Variants in MAGI2 observed in about 807,000 individuals in gnomAD.
MAGI2 encodes the protein membrane associated guanylate kinase, WW and PDZ domain containing 2.
MAGI2 carries 35 observed loss-of-function variants against 133.3 expected under a neutral mutation model. The ratio of observed to expected loss-of-function variants is 0.26; its 90% confidence interval spans 0.20 to 0.35. The LOEUF is 0.35. Among genes scored for constraint, MAGI2 ranks in the 10% least tolerant of loss-of-function variants. The pLI, the probability that MAGI2 is intolerant of heterozygous loss-of-function variation, is 1.00. For synonymous variants in MAGI2, 729 were observed against 710.6 expected (o/e 1.03, Z -0.41); for missense variants, 1,636 against 1,863.4 (o/e 0.88, Z 2.25).
At chr7:78,780,737 T>C (rs1826329874) in intron 2 of MAGI2, among the ~76,000 whole-genome samples, 1 of 152,146 alleles carries the variant, frequency 6.6e-6, no homozygotes, top group Non-Finnish European at 1.5e-5. Context: ...CAGGTGTTAA[T>C]TGTAGTATTT....
chr7:79,107,665 A>G (rs867187225), intron 1 of MAGI2, among the ~76,000 whole-genome samples: 12 of 152,240 alleles, frequency 7.9e-5, no homozygotes, highest in Non-Finnish European at 1.8e-4. Flanking sequence ...ATTCTTATGC[A>G]TACTCCATTT....
chr7:78,662,744 G>C (rs866961574), intron 2 of MAGI2, among the ~76,000 whole-genome samples: 7 of 152,236 alleles, frequency 4.6e-5, no homozygotes, highest in Middle Eastern at 6.8e-3. Flanking sequence ...ACTGGTGAGG[G>C]TAACTACTGG....
At chr7:79,338,515 A>G (rs747464933) in intron 1 of MAGI2, among the ~76,000 whole-genome samples, 5 of 152,146 alleles carry the variant, frequency 3.3e-5, no homozygotes, top group Non-Finnish European at 7.4e-5. Flanking sequence ...TCTGATCGAA[A>G]TCCAAAGAAC....
chr7:78,106,045 C>T (rs952801402), intron 20 of MAGI2, among the ~76,000 whole-genome samples: 1 of 152,044 alleles, frequency 6.6e-6, no homozygotes, highest in African/African-American at 2.4e-5. Context: ...AATTATCATT[C>T]AAATCTCTGT....
intron 1 of MAGI2, among the ~76,000 whole-genome samples, chr7:79,189,700 T>G (rs550911725): frequency 6.6e-6 from 1 of 151,798 alleles, no homozygotes; most frequent in South Asian, 2.1e-4. Flanking sequence ...TTTTGACAAA[T>G]GTATGACAAT....
intron 1 of MAGI2, among the ~76,000 whole-genome samples, chr7:79,168,306 C>T (rs1344983816): frequency 1.3e-5 from 2 of 151,914 alleles, no homozygotes; most frequent in African/African-American, 2.4e-5. Context: ...GTAATCTTTG[C>T]GACCTTGCCA....
chr7:78,984,072 A>C (rs1003700851), intron 2 of MAGI2, among the ~76,000 whole-genome samples: 1 of 152,030 alleles, frequency 6.6e-6, no homozygotes, highest in African/African-American at 2.4e-5. Flanking sequence ...AATGGACTGC[A>C]TTAGTCCAGA....
chr7:79,198,388 AT>A (rs1399225099), intron 1 of MAGI2, among the ~76,000 whole-genome samples: 2 of 151,724 alleles, frequency 1.3e-5, no homozygotes, highest in Non-Finnish European at 2.9e-5. Context: ...CCTCTCAGAG[AT>A]TTGCACACAA....
chr7:78,318,947 A>G (rs942019249), intron 9 of MAGI2, among the ~76,000 whole-genome samples: 2 of 152,230 alleles, frequency 1.3e-5, no homozygotes, highest in African/African-American at 4.8e-5. Flanking sequence ...GGCCTGCCTT[A>G]CAAGAGCTCC....
intron 6 of MAGI2, chr7:78,485,837 C>A (rs960955233): frequency 2.6e-5 from 4 of 151,878 alleles, no homozygotes; most frequent in African/African-American, 9.7e-5. Context: ...CAGTAACATC[C>A]AAAATGTACA....
intron 2 of MAGI2, among the ~76,000 whole-genome samples, chr7:78,958,069 G>A (rs1802549671): frequency 6.6e-6 from 1 of 152,116 alleles, no homozygotes; most frequent in Admixed American, 6.6e-5. Context: ...TTACCTGGCA[G>A]GGGAATAGGA....
At chr7:79,450,629 T>C (rs1402001955) in intron 1 of MAGI2, among the ~76,000 whole-genome samples, 1 of 152,124 alleles carries the variant, frequency 6.6e-6, no homozygotes, top group Admixed American at 6.5e-5. Flanking sequence ...CCTCAATATA[T>C]CACTTTAGAA....
intron 2 of MAGI2, among the ~76,000 whole-genome samples, chr7:78,739,625 A>G (rs1052098980): frequency 6.6e-6 from 1 of 152,182 alleles, no homozygotes; most frequent in Non-Finnish European, 1.5e-5. Flanking sequence ...CTTTAGTTGA[A>G]AAAGCTTCTA....
At chr7:78,290,997 A>G (rs1459581638) in intron 9 of MAGI2, among the ~76,000 whole-genome samples, 1 of 152,242 alleles carries the variant, frequency 6.6e-6, no homozygotes, top group African/African-American at 2.4e-5. Context: ...AAGATCTAAA[A>G]TTGACACCCT....
chr7:78,542,746 A>T (rs570922457), intron 3 of MAGI2, among the ~76,000 whole-genome samples: 8 of 152,330 alleles, frequency 5.3e-5, no homozygotes, highest in African/African-American at 1.9e-4. Flanking sequence ...GAGCCTGAGA[A>T]GATGACAGGA....
chr7:78,948,828 T>G (rs553232267), intron 2 of MAGI2, among the ~76,000 whole-genome samples: 6 of 152,102 alleles, frequency 3.9e-5, no homozygotes, highest in Non-Finnish European at 8.8e-5. Flanking sequence ...ATCACATTGA[T>G]AGTTTATTAT....
At chr7:79,068,503 C>T (rs936411574) in intron 1 of MAGI2, among the ~76,000 whole-genome samples, 2 of 152,010 alleles carry the variant, frequency 1.3e-5, no homozygotes, top group African/African-American at 4.8e-5. Flanking sequence ...ATTAGTCTGG[C>T]TAGTGGTCTA....
At chr7:79,072,569 T>C (rs549286333) in intron 1 of MAGI2, among the ~76,000 whole-genome samples, 3 of 152,180 alleles carry the variant, frequency 2.0e-5, no homozygotes, top group Non-Finnish European at 4.4e-5. Flanking sequence ...ACTGATGATA[T>C]CAACAATCAG....
At chr7:78,737,153 A>G (rs1468092362) in intron 2 of MAGI2, among the ~76,000 whole-genome samples, 1 of 152,256 alleles carries the variant, frequency 6.6e-6, no homozygotes, top group Non-Finnish European at 1.5e-5. Context: ...GAGCTAAATT[A>G]TAATTTGGGG....
Sources: gnomAD v4.1 joint callset for allele counts (sites outside exome capture counted in the v4.1 genomes callset) on GRCh38, gnomAD v4.1.1 for gene constraint, MANE v1.5 for transcripts, NCBI Gene and HGNC (gene_info 2026-07-23, HGNC 2026-07-21) for gene names.